The following WDR70 variants were observed in gnomAD, a reference collection of about 807,000 sequenced individuals.
The protein encoded by WDR70 is WD repeat-containing protein 70.
A neutral mutation model predicts 88.6 loss-of-function variants in WDR70; 53 were observed. The ratio of observed to expected loss-of-function variants is 0.60; its 90% CI spans 0.48 to 0.75. The LOEUF (loss-of-function observed/expected upper bound fraction) is 0.75, where lower values mean the gene tolerates loss of function less well. WDR70 is among the 30% of genes least tolerant of loss of function. WDR70 has a pLI of 0.00. For synonymous variants in WDR70, 280 were observed against 270.0 expected, an observed-to-expected ratio of 1.04 and a Z score of -0.36; for missense variants, 610 against 823.2, an observed-to-expected ratio of 0.74 and a Z score of 3.17.
chr5:37,455,450 CA>C (rs1208572968), intron 7 of WDR70, among the ~76,000 whole-genome samples: 1 of 151,292 alleles, frequency 6.6e-6, no homozygotes, highest in Admixed American at 6.6e-5. Context: ...CCATGTTGGC[CA>C]GGCTGGTCTT....
At chr5:37,464,571 C>A (rs1166611710) in intron 7 of WDR70, among the ~76,000 whole-genome samples, 1 of 152,158 alleles carries the variant, frequency 6.6e-6, no homozygotes, top group Non-Finnish European at 1.5e-5. Context: ...GGAGCATCAA[C>A]CCCTGGGGTT....
chr5:37,401,228 T>G (rs905238754), intron 5 of WDR70, among the ~76,000 whole-genome samples: 1 of 143,972 alleles, frequency 6.9e-6, no homozygotes, highest in Non-Finnish European at 1.5e-5. Flanking sequence ...CCAGCTCGTC[T>G]CAAACTCCTG....
intron 17 of WDR70, among the ~76,000 whole-genome samples, chr5:37,733,736 T>G (rs1748221012): frequency 6.6e-6 from 1 of 152,024 alleles, no homozygotes; most frequent in South Asian, 2.1e-4. Flanking sequence ...GATGCAGACT[T>G]GAGTTATATG....
intron 8 of WDR70, among the ~76,000 whole-genome samples, chr5:37,514,360 G>A (rs10473049): frequency 0.16 from 3,119 of 19,198 alleles, 63 homozygotes; most frequent in Non-Finnish European, 0.29. Context: ...ATATATATAT[G>A]TATGTATGTA....
chr5:37,526,512 C>A lies in WDR70; in HGVS notation c.917+9922C>A, dbSNP rs111861491. Among the ~76,000 whole-genome samples the A allele has an allele frequency of 8.4e-3, 1,286 of 152,218 alleles. 20 individuals are homozygous for A. Among genetic ancestry groups the A allele is most frequent in the African/African-American group, 0.029 (1,212 of 41,514 alleles). ...ATAATAAGAGCTATTTATGACAAAG[C>A]CACAGCCAATATCATACTGAATGGG... On this transcript the variant is annotated intron_variant, in intron 9 of 17. Coordinates refer to ENST00000265107, the MANE Select transcript of WDR70 (RefSeq NM_018034.4).
chr5:37,654,430 G>A (rs955696631), intron 10 of WDR70, among the ~76,000 whole-genome samples: 4 of 152,192 alleles, frequency 2.6e-5, no homozygotes, highest in African/African-American at 9.7e-5. Context: ...TTGATCTGGT[G>A]TGGAGAGTTC....
chr5:37,394,478 T>C (rs1422697669), intron 4 of WDR70, among the ~76,000 whole-genome samples: 1 of 152,198 alleles, frequency 6.6e-6, no homozygotes, highest in East Asian at 1.9e-4. Context: ...AGCAAGTCAG[T>C]TGAGACCTTT....
chr5:37,398,896 C>T lies in WDR70; in HGVS notation c.492+2326C>T, dbSNP rs144020557. On this transcript the variant is annotated intron_variant, in intron 5 of 17. Coordinates refer to ENST00000265107, the MANE Select transcript of WDR70 (RefSeq NM_018034.4). ...GTGGCGCACGCCTGTAATCCCAGTA[C>T]TTTGGGAGGCTGAGGAGTGCTGATC... 1.5e-3 allele frequency among the ~76,000 whole-genome samples: 236 copies of T among 152,282 alleles called. 1 individual carries two copies. The highest frequency in any genetic ancestry group is 2.7e-3 in the Non-Finnish European group (185 of 68,030).
intron 17 of WDR70, 33 bp downstream of exon 17, chr5:37,727,078 G>T (rs749139769): frequency 6.3e-7 from 1 of 1,588,704 alleles, no homozygotes; most frequent in South Asian, 1.2e-5. Flanking sequence ...CAGGAAAATT[G>T]TTATGTTTAA....
chr5:37,710,545 G>A (rs1482946848), intron 13 of WDR70, among the ~76,000 whole-genome samples: 1 of 152,162 alleles, frequency 6.6e-6, no homozygotes, highest in East Asian at 1.9e-4. Flanking sequence ...AGGCAAGTGA[G>A]ATGCTTTCCT....
intron 9 of WDR70, among the ~76,000 whole-genome samples, chr5:37,525,942 G>C (rs1042167014): frequency 2.0e-5 from 3 of 152,180 alleles, no homozygotes; most frequent in Non-Finnish European, 4.4e-5. Flanking sequence ...GGAAGAATTT[G>C]AATCCACGAA....
intron 10 of WDR70, among the ~76,000 whole-genome samples, chr5:37,690,504 G>T (rs774034187): frequency 8.5e-5 from 13 of 152,218 alleles, no homozygotes; most frequent in Non-Finnish European, 1.9e-4. Flanking sequence ...GACTAACAGT[G>T]GATCTCTCAG....
intron 10 of WDR70, among the ~76,000 whole-genome samples, chr5:37,627,581 T>G (rs537384093): frequency 1.9e-4 from 29 of 152,222 alleles, no homozygotes; most frequent in Non-Finnish European, 3.5e-4. Context: ...ACTTGCCTCT[T>G]AATACTGCTT....
chr5:37,412,259 C>T (rs10066785), intron 5 of WDR70, among the ~76,000 whole-genome samples: 2,029 of 152,094 alleles, frequency 0.013, 42 homozygotes, highest in African/African-American at 0.046. Context: ...TGGTGGAGCA[C>T]GCCTGTAATC....
In WDR70 at chr5:37,392,126, T is replaced by G. The variant is rs760293046; in HGVS notation, c.296+6T>G. On this transcript the variant is annotated splice_donor_region_variant and intron_variant, in intron 4 of 17. Coordinates refer to ENST00000265107, the MANE Select transcript of WDR70 (RefSeq NM_018034.4). ...TGCTCCAAATCATCTTCCAGGTGCC[T>G]GATTTTCAGAAAGACTTCTATTAAA... is the stretch of plus-strand genomic sequence containing the variant. The G allele has an allele frequency of 6.2e-7, 1 of 1,602,130 alleles. No individual in the cohort carries two copies. Among genetic ancestry groups the G allele is most frequent in the African/African-American group, 1.4e-5 (1 of 74,048 alleles).
intron 9 of WDR70, among the ~76,000 whole-genome samples, chr5:37,534,340 G>C (rs1243105275): frequency 6.6e-6 from 1 of 152,120 alleles, no homozygotes; most frequent in African/African-American, 2.4e-5. Context: ...TTTAGATAAA[G>C]TTCCACAGGT....
chr5:37,495,433 T>A (rs1740185070), intron 8 of WDR70, among the ~76,000 whole-genome samples: 1 of 151,980 alleles, frequency 6.6e-6, no homozygotes, highest in African/African-American at 2.4e-5. Flanking sequence ...TACAGACAGA[T>A]TATCAGCAAT....
At chr5:37,660,895 G>A (rs77536998) in intron 10 of WDR70, among the ~76,000 whole-genome samples, 1 of 151,906 alleles carries the variant, frequency 6.6e-6, no homozygotes. Context: ...ATAAAAGAAG[G>A]CCAACAAATT....
chr5:37,727,956 G>C (rs1244282792), intron 17 of WDR70, among the ~76,000 whole-genome samples: 1 of 152,028 alleles, frequency 6.6e-6, no homozygotes, highest in Non-Finnish European at 1.5e-5. Flanking sequence ...AGTACAGAGA[G>C]TACATATATA....
Sources: allele counts gnomAD v4.1 joint callset (sites outside exome capture counted in the v4.1 genomes callset), GRCh38; gene constraint gnomAD v4.1.1; transcripts MANE v1.5; gene names NCBI Gene and HGNC (gene_info 2026-07-23, HGNC 2026-07-21).